FSTL4: variants seen among roughly 807,000 people sequenced by gnomAD.
FSTL4 encodes follistatin like 4.
Under a neutral mutation model 78.2 loss-of-function variants are expected in FSTL4, and 28 were observed. The ratio of observed to expected loss-of-function variants is 0.36; its 90% CI spans 0.27 to 0.49. The LOEUF (loss-of-function observed/expected upper bound fraction) is 0.49. Ranked by LOEUF, FSTL4 falls within the 20% of genes least tolerant of loss-of-function variation. The pLI is 0.98. For synonymous variants in FSTL4, 422 were observed against 440.5 expected, an observed-to-expected ratio of 0.96 and a Z score of 0.53; for missense variants, 922 against 1,084.9, an observed-to-expected ratio of 0.85 and a Z score of 2.11.
chr5:133,693,986 C>G, the FSTL4 span, among the ~76,000 whole-genome samples: 1 of 152,238 alleles, frequency 6.6e-6, no homozygotes, highest in Non-Finnish European at 1.5e-5. Flanking sequence ...AACCTCCTCA[C>G]AGACATGCCC....
intron 3 of FSTL4, among the ~76,000 whole-genome samples, chr5:133,435,151 C>A (rs536358245): frequency 7.9e-5 from 12 of 152,226 alleles, no homozygotes; most frequent in African/African-American, 2.6e-4. Context: ...TTTAGGAAAG[C>A]CCCACTCACC....
At chr5:133,767,565 T>G in the FSTL4 span, among the ~76,000 whole-genome samples, 1 of 151,952 alleles carries the variant, frequency 6.6e-6, no homozygotes, top group Non-Finnish European at 1.5e-5. Flanking sequence ...AGCCTGGAGG[T>G]AGCATGACTA....
chr5:133,316,309 A>C (rs1486776454), intron 5 of FSTL4, 150 bp downstream of exon 5: 1 of 598,108 alleles, frequency 1.7e-6, no homozygotes, highest in Non-Finnish European at 2.9e-6. Flanking sequence ...TAGAGGCTAA[A>C]GGTGGCTGGT....
chr5:133,370,235 T>C (rs928852776), intron 4 of FSTL4, among the ~76,000 whole-genome samples: 2 of 152,176 alleles, frequency 1.3e-5, no homozygotes, highest in Non-Finnish European at 2.9e-5. Context: ...CAGAGTTCTC[T>C]GCTTGTCGCT....
intron 4 of FSTL4, among the ~76,000 whole-genome samples, chr5:133,377,801 A>G (rs1199336516): frequency 1.3e-5 from 2 of 152,214 alleles, no homozygotes; most frequent in Admixed American, 6.5e-5. Flanking sequence ...CAAGAAATTC[A>G]ACAATCTTCA....
chr5:133,548,632 C>G (rs937870941), intron 3 of FSTL4, among the ~76,000 whole-genome samples: 19 of 152,140 alleles, frequency 1.2e-4, no homozygotes, highest in African/African-American at 4.6e-4. Context: ...AGACAGAGGA[C>G]TTCAAAATTA....
intron 3 of FSTL4, among the ~76,000 whole-genome samples, chr5:133,498,697 G>A (rs953580431): frequency 6.7e-6 from 1 of 149,214 alleles, no homozygotes; most frequent in Non-Finnish European, 1.5e-5. Context: ...CAGCCTAGGT[G>A]ACAGAGTGAG....
chr5:133,640,474 G>A, the FSTL4 span, among the ~76,000 whole-genome samples: 2 of 152,196 alleles, frequency 1.3e-5, no homozygotes, highest in Non-Finnish European at 2.9e-5. Context: ...TAGCTTCAAA[G>A]CAAGGTCAGA....
the FSTL4 span, among the ~76,000 whole-genome samples, chr5:133,815,448 C>G: frequency 2.6e-5 from 4 of 152,126 alleles, no homozygotes; most frequent in African/African-American, 9.7e-5. Context: ...GGGTAAAAAG[C>G]CTGAGGCTTT....
chr5:133,707,138 C>G, the FSTL4 span, among the ~76,000 whole-genome samples: 1 of 152,202 alleles, frequency 6.6e-6, no homozygotes, highest in African/African-American at 2.4e-5. Context: ...CTGGGCAGCT[C>G]CCTGACTCAC....
At position 133,233,543 on chromosome 5, in the gene FSTL4, C is replaced by T; in HGVS notation, c.895-6G>A. On this transcript the variant is annotated splice_polypyrimidine_tract_variant and splice_region_variant and intron_variant, in intron 7 of 15. Coordinates refer to ENST00000265342, the MANE Select transcript of FSTL4 (RefSeq NM_015082.2). ...GAATCATCCTCTCCAAAGTCCTGCA[C>T]AGGGCAAAGATGACGATGAGACTGG... 3 of 1,607,428 alleles carry T rather than the reference C, an allele frequency of 1.9e-6. No individual in the cohort carries two copies. Among genetic ancestry groups the T allele is most frequent in the Non-Finnish European group, 2.5e-6 (3 of 1,178,616 alleles).
At chr5:133,432,183 G>A (rs1756954037) in intron 3 of FSTL4, among the ~76,000 whole-genome samples, 1 of 152,166 alleles carries the variant, frequency 6.6e-6, no homozygotes, top group South Asian at 2.1e-4. Flanking sequence ...AGAAAACAGA[G>A]GCTCAGAGAG....
the FSTL4 span, among the ~76,000 whole-genome samples, chr5:133,741,468 G>A: frequency 6.6e-6 from 1 of 152,228 alleles, no homozygotes; most frequent in Non-Finnish European, 1.5e-5. Flanking sequence ...AAGAGTGCAG[G>A]AAGTGGGAAA....
chr5:133,245,354 G>C (rs758640172), intron 7 of FSTL4, among the ~76,000 whole-genome samples: 12 of 152,282 alleles, frequency 7.9e-5, no homozygotes, highest in Non-Finnish European at 1.6e-4. Flanking sequence ...TCTTAGGCTG[G>C]AAAAGGCGCT....
the FSTL4 span, among the ~76,000 whole-genome samples, chr5:133,701,509 A>ACACACCCCCC: frequency 7.7e-3 from 1,025 of 132,498 alleles, 14 homozygotes; most frequent in Non-Finnish European, 0.012. Context: ...ACACACACAC[A>ACACACCCCCC]CCCCACAGGC....
At chr5:133,342,747 G>C (rs568430806) in intron 4 of FSTL4, among the ~76,000 whole-genome samples, 1 of 151,806 alleles carries the variant, frequency 6.6e-6, no homozygotes. Flanking sequence ...GAAAACTTGG[G>C]AAAAAGAAAA....
intron 7 of FSTL4, among the ~76,000 whole-genome samples, chr5:133,239,673 T>A (rs1203174975): frequency 1.3e-5 from 2 of 152,208 alleles, no homozygotes; most frequent in African/African-American, 4.8e-5. Context: ...TCAAGGTTTG[T>A]AAACCCACCA....
At chr5:133,499,367 A>C (rs1758439193) in intron 3 of FSTL4, among the ~76,000 whole-genome samples, 1 of 66,096 alleles carries the variant, frequency 1.5e-5, no homozygotes, top group African/African-American at 4.8e-5. Context: ...ACACAAGGGG[A>C]ATACACACAC....
the FSTL4 span, among the ~76,000 whole-genome samples, chr5:133,625,238 C>G: frequency 4.0e-5 from 6 of 151,634 alleles, no homozygotes; most frequent in Non-Finnish European, 8.9e-5. Context: ...TCCAGTGAAA[C>G]CATCTGAGCT....
Sources: allele counts gnomAD v4.1 joint callset (sites outside exome capture counted in the v4.1 genomes callset), GRCh38; gene constraint gnomAD v4.1.1; transcripts MANE v1.5; gene names NCBI Gene and HGNC (gene_info 2026-07-23, HGNC 2026-07-21).